DENND5A: variants seen among roughly 807,000 people sequenced by gnomAD.
DENND5A encodes DENN domain-containing protein 5A.
A neutral mutation model predicts 140.3 loss-of-function variants in DENND5A; 64 were observed. That is an observed-to-expected ratio of 0.46 (90% CI 0.37 to 0.56). DENND5A has a LOEUF of 0.56. DENND5A is among the 20% of genes least tolerant of loss of function. DENND5A has a pLI of 0.00. For missense variants in DENND5A, 1,292 were observed against 1,593.8 expected (o/e 0.81, Z 3.22); for synonymous variants, 605 against 607.7 (o/e 1.00, Z 0.07).
chr11:9,214,342 C>CT (rs1358848430), intron 1 of DENND5A, among the ~76,000 whole-genome samples: 5 of 152,262 alleles, frequency 3.3e-5, no homozygotes, highest in African/African-American at 1.2e-4. Flanking sequence ...GATGGCAGGG[C>CT]ACAATGTAGG....
chr11:9,255,999 G>A (rs1179851186), intron 1 of DENND5A, among the ~76,000 whole-genome samples: 4 of 148,850 alleles, frequency 2.7e-5, no homozygotes, highest in African/African-American at 7.4e-5. Context: ...GCACCCCAGC[G>A]TGAGCAACAC....
intron 1 of DENND5A, among the ~76,000 whole-genome samples, chr11:9,242,014 C>CAA (rs965240891): frequency 7.4e-4 from 43 of 57,910 alleles, no homozygotes; most frequent in African/African-American, 1.4e-3. Flanking sequence ...AACTCCGTCT[C>CAA]AAAAAAAAAA....
Position 9,206,893 on chromosome 11 carries a change from G to A in DENND5A, c.182-111C>T. ...AAGGTACAGAAATGAAGGCAAGGGGGTTAGTATGCCAACCATCTAAGAATA... is the reference window on the plus strand; with the variant it reads ...AAGGTACAGAAATGAAGGCAAGGGGATTAGTATGCCAACCATCTAAGAATA... On this transcript the variant is annotated intron_variant, in intron 2 of 22. Transcript: ENST00000328194. The A allele has an allele frequency of 8.2e-6, 6 of 732,740 alleles. No homozygotes were observed. The South Asian group carries it at 9.7e-5, about 12-fold the overall frequency. The allele number at this position is 732,740 out of a possible 1,614,324, so 45.4% of individuals were successfully genotyped here.
intron 8 of DENND5A, chr11:9,172,153 G>A (rs186792647): frequency 2.7e-4 from 41 of 152,216 alleles, no homozygotes; most frequent in African/African-American, 9.9e-4. Flanking sequence ...CCTAAGGTAG[G>A]GATGGGGAGA....
At chr11:9,199,702 T>G (rs1299626520) in intron 4 of DENND5A, among the ~76,000 whole-genome samples, 2 of 152,166 alleles carry the variant, frequency 1.3e-5, no homozygotes, top group African/African-American at 4.8e-5. Flanking sequence ...GCATTCCTTT[T>G]CCCTATGTAA....
intron 5 of DENND5A, 122 bp from the exon 6 acceptor site, chr11:9,181,206 T>C (rs964754577): frequency 1.9e-5 from 15 of 795,412 alleles, no homozygotes; most frequent in South Asian, 1.7e-4. Context: ...ATTTGAGATA[T>C]GGTATAAGGA....
chr11:9,164,065 T>TTTTG (rs1848092321), intron 11 of DENND5A, among the ~76,000 whole-genome samples: 1 of 83,940 alleles, frequency 1.2e-5, no homozygotes, highest in East Asian at 2.8e-4. Flanking sequence ...GGTTTTTTTT[T>TTTTG]TTTTTTTTTT....
At chr11:9,199,689 C>T (rs72859631) in intron 4 of DENND5A, among the ~76,000 whole-genome samples, 1 of 152,322 alleles carries the variant, frequency 6.6e-6, no homozygotes, top group Non-Finnish European at 1.5e-5. Flanking sequence ...TACAATTCAG[C>T]CTGCATTCCT....
intron 22 of DENND5A, chr11:9,140,300 G>A: frequency 1.9e-6 from 2 of 1,042,408 alleles, no homozygotes; most frequent in South Asian, 1.3e-5. Flanking sequence ...GATGAAGAAA[G>A]TAGGGTAGAT....
chr11:9,172,372 G>A (rs527761353), intron 8 of DENND5A: 4 of 152,288 alleles, frequency 2.6e-5, no homozygotes, highest in East Asian at 3.9e-4. Context: ...TTTGTATATA[G>A]AGAAGATCAA....
chr11:9,255,086 A>C (rs558613489), intron 1 of DENND5A, among the ~76,000 whole-genome samples: 21 of 146,598 alleles, frequency 1.4e-4, no homozygotes, highest in Admixed American at 5.4e-4. Flanking sequence ...ATAATAAATA[A>C]AATAAAATAA....
At chr11:9,235,919 T>G (rs1425904414) in intron 1 of DENND5A, among the ~76,000 whole-genome samples, 1 of 152,038 alleles carries the variant, frequency 6.6e-6, no homozygotes, top group African/African-American at 2.4e-5. Flanking sequence ...CACAAAACCA[T>G]AAATATACTA....
intron 4 of DENND5A, among the ~76,000 whole-genome samples, chr11:9,199,213 T>G (rs1849443338): frequency 6.6e-6 from 1 of 151,732 alleles, no homozygotes. Flanking sequence ...AATTTTTAAA[T>G]AAGGCCAGGT....
Position 9,170,685 on chromosome 11 carries a change from G to T in DENND5A, c.1999C>A (p.Pro667Thr), listed in dbSNP as rs1250629596. 1.2e-6 allele frequency: 2 copies of T among 1,613,830 alleles called. No homozygotes were observed. The highest frequency in any genetic ancestry group is 1.7e-6 in the Non-Finnish European group (2 of 1,179,996). ...DMKIGQGKYE[P>T]GFFPKLQSDV... ...GACTGCAGCTTAGGGAAGAAGCCCGGCTCATATTTCCCTTGTCCAATCTTC... is the reference window on the plus strand; with the variant it reads ...GACTGCAGCTTAGGGAAGAAGCCCGTCTCATATTTCCCTTGTCCAATCTTC... The change falls in exon 9 of 23, where the codon CCG becomes ACG. Residue 667 changes from proline to threonine, a missense_variant. Pro to Thr is a conservative substitution (Grantham distance 38). Coordinates refer to ENST00000328194, the MANE Select transcript of DENND5A (RefSeq NM_015213.4).
chr11:9,254,253 AAATTCG>A (rs1851852786), intron 1 of DENND5A, among the ~76,000 whole-genome samples: 1 of 151,878 alleles, frequency 6.6e-6, no homozygotes, highest in African/African-American at 2.4e-5. Context: ...TTGAGCTCAG[AAATTCG>A]AGGCTCAGAA....
At chr11:9,210,060 T>C (rs1265612853) in intron 1 of DENND5A, among the ~76,000 whole-genome samples, 1 of 151,394 alleles carries the variant, frequency 6.6e-6, no homozygotes, top group African/African-American at 2.4e-5. Flanking sequence ...TGAGCTGAGA[T>C]CACACCATTA....
intron 1 of DENND5A, among the ~76,000 whole-genome samples, chr11:9,253,026 T>C (rs1851798043): frequency 1.0e-5 from 1 of 96,978 alleles, no homozygotes; most frequent in African/African-American, 4.2e-5. Context: ...AATTTTTCTA[T>C]TTTCTGTAGA....
intron 1 of DENND5A, among the ~76,000 whole-genome samples, chr11:9,261,082 C>T (rs546009657): frequency 6.6e-6 from 1 of 152,244 alleles, no homozygotes; most frequent in South Asian, 2.1e-4. Context: ...AACTCCTGGG[C>T]TCAAGCAATT....
At chr11:9,141,740 T>C (rs1169761788) in intron 22 of DENND5A, among the ~76,000 whole-genome samples, 200 bp downstream of exon 22, 1 of 152,226 alleles carries the variant, frequency 6.6e-6, no homozygotes, top group Non-Finnish European at 1.5e-5. Context: ...CACTGACAAA[T>C]GTTGTTACGC....
Sources: allele counts gnomAD v4.1 joint callset (sites outside exome capture counted in the v4.1 genomes callset), GRCh38; gene constraint gnomAD v4.1.1; transcripts MANE v1.5; gene names NCBI Gene and HGNC (gene_info 2026-07-23, HGNC 2026-07-21).